Variants in CACNA2D3 observed in about 807,000 individuals in gnomAD.
The protein encoded by CACNA2D3 is voltage-dependent calcium channel subunit alpha-2/delta-3.
In CACNA2D3, 60 loss-of-function variants were observed where a neutral mutation model predicts 160.6. That is an observed-to-expected ratio of 0.37 (90% confidence interval 0.30 to 0.46). The LOEUF is 0.46. Ranked by LOEUF, CACNA2D3 falls within the 20% of genes least tolerant of loss-of-function variation. The pLI is 1.00. For synonymous variants in CACNA2D3, 558 were observed against 492.9 expected (o/e 1.13, Z -1.75); for missense variants, 1,205 against 1,365.0 (o/e 0.88, Z 1.85).
chr3:54,556,071 T>C (rs1702237679), intron 5 of CACNA2D3, among the ~76,000 whole-genome samples: 1 of 152,194 alleles, frequency 6.6e-6, no homozygotes. Flanking sequence ...TTTAAAAGAA[T>C]ACATACAAAC....
intron 2 of CACNA2D3, among the ~76,000 whole-genome samples, chr3:54,184,832 G>A (rs912816628): frequency 1.1e-4 from 17 of 152,216 alleles, no homozygotes; most frequent in African/African-American, 4.1e-4. Flanking sequence ...AGCAAACAAT[G>A]GAATGTTGCA....
intron 31 of CACNA2D3, among the ~76,000 whole-genome samples, chr3:55,001,965 T>C (rs1163127791): frequency 1.3e-5 from 2 of 152,146 alleles, no homozygotes; most frequent in Non-Finnish European, 2.9e-5. Context: ...GAGACCAGCC[T>C]GGCCAACATA....
chr3:54,630,707 C>T (rs1450031864), intron 10 of CACNA2D3, among the ~76,000 whole-genome samples: 2 of 152,174 alleles, frequency 1.3e-5, no homozygotes, highest in Non-Finnish European at 2.9e-5. Flanking sequence ...TTCACACTTT[C>T]ACAGGGCCTA....
At position 54,899,771 on chromosome 3, in the gene CACNA2D3, G is replaced by GT. The variant is rs747842906; in HGVS notation, c.2369-11dup. ...TAATTATCTTCATTTTTGTTGTGGTGTTTTTTCTTTTCACAGGACCAGTCA... is the reference window on the plus strand; with the variant it reads ...TAATTATCTTCATTTTTGTTGTGGTGTTTTTTTCTTTTCACAGGACCAGTCA... On this transcript the variant is annotated splice_polypyrimidine_tract_variant and intron_variant, in intron 26 of 37. Coordinates refer to ENST00000474759, the MANE Select transcript of CACNA2D3 (RefSeq NM_018398.3). 42 of 1,577,652 alleles carry GT rather than the reference G, an allele frequency of 2.7e-5. No individual in the cohort carries two copies. Among genetic ancestry groups the GT allele is most frequent in the Admixed American group, 1.0e-4 (6 of 58,052 alleles).
intron 4 of CACNA2D3, among the ~76,000 whole-genome samples, chr3:54,475,191 C>T (rs1049643048): frequency 6.6e-6 from 1 of 152,176 alleles, no homozygotes; most frequent in Non-Finnish European, 1.5e-5. Context: ...GTCTCACCAC[C>T]AAGCTTTGCT....
intron 2 of CACNA2D3, among the ~76,000 whole-genome samples, chr3:54,235,068 T>C (rs867827288): frequency 7.2e-4 from 110 of 152,088 alleles, no homozygotes; most frequent in African/African-American, 2.5e-3. Context: ...CATTTCCCTA[T>C]AAAAGGAACC....
intron 12 of CACNA2D3, among the ~76,000 whole-genome samples, chr3:54,763,813 ATATATATATACG>A (rs1246898231): frequency 3.6e-4 from 1 of 2,800 alleles, no homozygotes; most frequent in Non-Finnish European, 1.1e-3. Flanking sequence ...ATATATATAC[ATATATATATACG>A]TATATATATG....
At chr3:54,439,686 C>G (rs940727989) in intron 4 of CACNA2D3, among the ~76,000 whole-genome samples, 2 of 152,106 alleles carry the variant, frequency 1.3e-5, no homozygotes, top group African/African-American at 4.8e-5. Flanking sequence ...AGGGGACAGG[C>G]TTGTGTCATA....
chr3:54,484,856 T>C (rs1004427132), intron 4 of CACNA2D3, among the ~76,000 whole-genome samples: 9 of 151,708 alleles, frequency 5.9e-5, no homozygotes, highest in African/African-American at 2.2e-4. Flanking sequence ...ATTTTTTTTT[T>C]TTTTTTGGGG....
chr3:54,748,982 G>T (rs1357939934), intron 11 of CACNA2D3, among the ~76,000 whole-genome samples: 9 of 152,204 alleles, frequency 5.9e-5, no homozygotes, highest in African/African-American at 2.2e-4. Flanking sequence ...ACTGGAATAT[G>T]CAAGGCCAGG....
chr3:54,937,395 C>T (rs9883727), intron 27 of CACNA2D3, among the ~76,000 whole-genome samples: 2,330 of 152,256 alleles, frequency 0.015, 56 homozygotes, highest in African/African-American at 0.053. Context: ...TTGGTTCCAG[C>T]AATCTGTGCT....
intron 3 of CACNA2D3, among the ~76,000 whole-genome samples, chr3:54,382,716 G>A (rs1043781010): frequency 6.6e-6 from 1 of 152,204 alleles, no homozygotes; most frequent in South Asian, 2.1e-4. Flanking sequence ...CCCAGGAGGC[G>A]GAGCTTGCAG....
At chr3:54,905,676 A>T (rs9839518) in intron 27 of CACNA2D3, among the ~76,000 whole-genome samples, 6,704 of 152,198 alleles carry the variant, frequency 0.044, 394 homozygotes, top group African/African-American at 0.13. Context: ...GATTGGCACT[A>T]CTGGTTAGGA....
chr3:54,591,801 C>G (rs774287773), intron 9 of CACNA2D3, among the ~76,000 whole-genome samples: 2 of 152,020 alleles, frequency 1.3e-5, no homozygotes, highest in Non-Finnish European at 2.9e-5. Context: ...GAATTATGAC[C>G]TTCTGTATAA....
chr3:54,426,950 T>C (rs1342531570), intron 4 of CACNA2D3, among the ~76,000 whole-genome samples: 1 of 152,200 alleles, frequency 6.6e-6, no homozygotes, highest in Admixed American at 6.5e-5. Flanking sequence ...TACCTTTGTG[T>C]CTTCCTTGAC....
At chr3:54,460,630 C>A (rs1700485465) in intron 4 of CACNA2D3, among the ~76,000 whole-genome samples, 1 of 152,092 alleles carries the variant, frequency 6.6e-6, no homozygotes, top group African/African-American at 2.4e-5. Flanking sequence ...GATTTTGTAT[C>A]CTGAGACTTT....
At chr3:54,291,839 A>G (rs574787979) in intron 2 of CACNA2D3, among the ~76,000 whole-genome samples, 2 of 152,220 alleles carry the variant, frequency 1.3e-5, no homozygotes, top group Non-Finnish European at 2.9e-5. Context: ...CATTCATTCA[A>G]CTATTGAGTA....
intron 11 of CACNA2D3, among the ~76,000 whole-genome samples, chr3:54,691,906 G>A (rs1402188535): frequency 6.6e-6 from 1 of 152,068 alleles, no homozygotes; most frequent in Non-Finnish European, 1.5e-5. Context: ...TCTGTGAATA[G>A]CCCTCAAGTT....
At chr3:54,672,509 C>T (rs1018202367) in intron 11 of CACNA2D3, among the ~76,000 whole-genome samples, 1 of 152,188 alleles carries the variant, frequency 6.6e-6, no homozygotes, top group African/African-American at 2.4e-5. Context: ...GATGAGGACT[C>T]TGGCCTCATT....
Sources: allele counts gnomAD v4.1 joint callset (sites outside exome capture counted in the v4.1 genomes callset), GRCh38; gene constraint gnomAD v4.1.1; transcripts MANE v1.5; gene names NCBI Gene and HGNC (gene_info 2026-07-23, HGNC 2026-07-21).